Variants in MSS51 observed in about 807,000 individuals in gnomAD.
The protein encoded by MSS51 is MSS51 mitochondrial translational activator, also known as putative protein MSS51 homolog, mitochondrial.
MSS51 carries 32 observed loss-of-function variants against 40.2 expected under a neutral mutation model. The observed-to-expected ratio is 0.80, with a 90% CI of 0.60 to 1.07. MSS51 has a LOEUF of 1.07. Among genes scored for constraint, MSS51 ranks in the 50% least tolerant of loss-of-function variants. The pLI is 0.00. For synonymous variants in MSS51, 178 were observed against 214.2 expected (o/e 0.83, Z 1.48); for missense variants, 518 against 568.9 (o/e 0.91, Z 0.91).
intron 1 of MSS51, among the ~76,000 whole-genome samples, chr10:73,433,033 CTT>C (rs984511122): frequency 6.6e-6 from 1 of 152,068 alleles, no homozygotes; most frequent in African/African-American, 2.4e-5. Flanking sequence ...TCCCCAGTGA[CTT>C]AGGCTCTAAT....
rs760497218 is a variant in MSS51, at chr10:73,426,700, A to G, written c.409T>C (p.Cys137Arg). 32 of 1,613,962 alleles carry G rather than the reference A, an allele frequency of 2.0e-5. No individual in the cohort carries two copies. Among genetic ancestry groups the G allele is most frequent in the Admixed American group, 3.3e-5 (2 of 59,990 alleles). Reference protein sequence around the residue: ...CRNVYYCGPECQKSDWPAHRR... With the variant: ...CRNVYYCGPERQKSDWPAHRR... ...TGTGCGGGCCAGTCTGACTTCTGGC[A>G]CTCTGGACCACAGTAATAGACATTT... Residue 137 changes from cysteine to arginine, a missense_variant, in exon 4 of 7, where the codon TGC (cysteine) becomes CGC (arginine). Cys to Arg is a radical substitution (Grantham distance 180). Transcript: ENST00000299432.
In MSS51 at chr10:73,428,062, A is replaced by C; in HGVS notation, c.221+2T>G. The C allele has an allele frequency of 6.2e-7, 1 of 1,613,406 alleles. No individual in the cohort carries two copies. The highest frequency in any genetic ancestry group is 8.5e-7 in the Non-Finnish European group (1 of 1,179,466). ...CCCTTTTCCATAGAGCTGGTCACTC[A>C]CTTATATTCTTCATAGCTTTTCATG... is the stretch of plus-strand genomic sequence containing the variant. On this transcript the variant is annotated splice_donor_variant, in intron 2 of 6. Coordinates refer to ENST00000299432, the MANE Select transcript of MSS51 (RefSeq NM_001024593.2). LOFTEE classifies it high-confidence loss of function.
intron 5 of MSS51, 75 bp downstream of exon 5, chr10:73,425,736 T>C (rs1295038914): frequency 7.5e-7 from 1 of 1,338,284 alleles, no homozygotes; most frequent in Non-Finnish European, 1.0e-6. Flanking sequence ...TGAATGGGGT[T>C]CCAAAGACAG....
chr10:73,426,566 T>C (rs747430529), intron 4 of MSS51, 41 bp downstream of exon 4: 2 of 1,612,594 alleles, frequency 1.2e-6, no homozygotes, highest in African/African-American at 1.3e-5. Flanking sequence ...TGCAATCAAC[T>C]ATGACCATTA....
At chr10:73,427,930 G>GT (rs2056001534) in intron 2 of MSS51, 134 bp downstream of exon 2, 1 of 1,194,402 alleles carries the variant, frequency 8.4e-7, no homozygotes, top group African/African-American at 1.5e-5. Context: ...TAGTAATATA[G>GT]TAACTGGCAA....
At chr10:73,427,938 CA>C in intron 2 of MSS51, 125 bp downstream of exon 2, 3 of 1,205,670 alleles carry the variant, frequency 2.5e-6, no homozygotes, top group Non-Finnish European at 3.5e-6. Flanking sequence ...TAGTAACTGG[CA>C]AAAGGATGAG....
Position 73,424,567 on chromosome 10 carries a change from C to T in MSS51, c.1369G>A (p.Asp457Asn). The change falls in exon 7 of 7, where the codon GAC becomes AAC. Residue 457 changes from aspartate (D) to asparagine (N), a missense_variant. Asp to Asn is a conservative substitution (Grantham distance 23). Coordinates refer to ENST00000299432, the MANE Select transcript of MSS51 (RefSeq NM_001024593.2). ...LDNRQLEEKVDGGI is the reference protein window; with the variant it reads ...LDNRQLEEKVNGGI Reference sequence around the variant, plus strand: ...TTATGATCTATTTAAATCCCGCCGTCCACTTTCTCTTCTAATTGCCTATTA... The same window carrying T: ...TTATGATCTATTTAAATCCCGCCGTTCACTTTCTCTTCTAATTGCCTATTA... The T allele has an allele frequency of 6.2e-7, 1 of 1,613,670 alleles. No individual in the cohort carries two copies. Among genetic ancestry groups the T allele is most frequent in the Admixed American group, 1.7e-5 (1 of 60,014 alleles).
Position 73,426,359 on chromosome 10 carries a change from G to C in MSS51, c.521C>G (p.Ser174Ter), listed in dbSNP as rs1324259939. Residue 174 changes from serine to a stop codon, truncating the protein, a stop_gained, in exon 5 of 7, where the codon TCA becomes TGA. Coordinates refer to ENST00000299432, the MANE Select transcript of MSS51 (RefSeq NM_001024593.2). LOFTEE classifies it high-confidence loss of function. ...TTCAGGTGGCCATGGCCAAGGTCCT[G>C]AGGGTAGAACAAAATCACCTGTAGG... ...LLVTGDFVLP[S>*]GPWPWPPEAV... The C allele has an allele frequency of 6.2e-7, 1 of 1,602,156 alleles. No individual in the cohort carries two copies. Among genetic ancestry groups the C allele is most frequent in the South Asian group, 1.1e-5 (1 of 91,086 alleles).
At position 73,425,192 on chromosome 10, in the gene MSS51, C is replaced by A. The variant is rs1390852980; in HGVS notation, c.1070-1G>T. 6.3e-7 allele frequency: 1 copy of A among 1,578,798 alleles called. No individual in the cohort carries two copies. Among genetic ancestry groups the A allele is most frequent in the Non-Finnish European group, 8.6e-7 (1 of 1,166,908 alleles). ...ATCAAGTCTGGGGAGGAATGAAAAC[C>A]TGTGGAACAAAAATGAAAATGGGAA... On this transcript the variant is annotated splice_acceptor_variant, in intron 5 of 6. Coordinates refer to ENST00000299432, the MANE Select transcript of MSS51 (RefSeq NM_001024593.2). LOFTEE classifies it high-confidence loss of function.
At chr10:73,428,852 T>TAC (rs938810693) in intron 1 of MSS51, among the ~76,000 whole-genome samples, 4 of 151,918 alleles carry the variant, frequency 2.6e-5, no homozygotes, top group African/African-American at 4.8e-5. Flanking sequence ...TATATATATA[T>TAC]ACACACACAT....
intron 6 of MSS51, 87 bp downstream of exon 6, chr10:73,425,011 T>C: frequency 1.9e-6 from 2 of 1,053,096 alleles, no homozygotes; most frequent in Non-Finnish European, 3.0e-6. Context: ...AGAAGGTAGA[T>C]GAGCAAGAGG....
At position 73,431,881 on chromosome 10, in the gene MSS51, T is replaced by G. The variant is rs965596288; in HGVS notation, c.-18+1632A>C. On this transcript the variant is annotated intron_variant, in intron 1 of 6. Transcript: ENST00000299432. ...CCTTTTACCAAAAGAGTAAATGGAA[T>G]TGCCCTTCACACTTTAGGGCCCAAT... 1.2e-4 allele frequency among the ~76,000 whole-genome samples: 19 copies of G among 152,276 alleles called. No homozygotes were observed. In the Middle Eastern group the frequency reaches 0.01, roughly 82 times the overall value.
At chr10:73,428,384 C>T (rs2056005847) in intron 1 of MSS51, 83 bp from the exon 2 acceptor site, 2 of 1,065,026 alleles carry the variant, frequency 1.9e-6, no homozygotes, top group South Asian at 3.4e-5. Flanking sequence ...CTTGACCTTT[C>T]ATTTCTCATT....
At chr10:73,426,795 G>C in intron 3 of MSS51, 64 bp from the exon 4 acceptor site, 2 of 1,571,396 alleles carry the variant, frequency 1.3e-6, no homozygotes, top group Non-Finnish European at 8.7e-7. Flanking sequence ...CGGAGGAAAG[G>C]AACTGATATT....
At chr10:73,426,812 C>A in intron 3 of MSS51, 81 bp from the exon 4 acceptor site, 1 of 1,514,040 alleles carries the variant, frequency 6.6e-7, no homozygotes, top group Non-Finnish European at 9.0e-7. Flanking sequence ...TATTCCTGCA[C>A]CTAGGATGGT....
At position 73,426,309 on chromosome 10, in the gene MSS51, ACCAGGAGTCCCAGT is replaced by A. The variant is rs748594050; in HGVS notation, c.557_570del (p.Asp186ValfsTer18). 5.0e-5 allele frequency: 81 copies of A among 1,606,174 alleles called. No individual in the cohort carries two copies. The highest frequency in any genetic ancestry group is 6.7e-5 in the Non-Finnish European group (79 of 1,179,990). ...TCTAGGTGTAACCCCTTCATAGAAA[ACCAGGAGTCCCAGT>A]CCTGTACAGCTTCAGGTGGCCATGG... On this transcript the variant is annotated frameshift_variant, in exon 5 of 7. Transcript: ENST00000299432. LOFTEE classifies it high-confidence loss of function.
In MSS51 at chr10:73,426,099, C is replaced by A; in HGVS notation, c.781G>T (p.Gly261Trp). ...CCAACCACATGCACTGTGCTTCCCC[C>A]AGTCCTCCTAACATCTATCCCCAAG... The part of the protein sequence containing the change: ...RALGIDVRRT[G>W]GSTVHVVGAS... Residue 261 changes from glycine to tryptophan, a missense_variant, in exon 5 of 7, where the codon GGG (glycine) becomes TGG (tryptophan). Gly to Trp is a radical substitution (Grantham distance 184). Transcript: ENST00000299432. 1 of 1,614,228 alleles carries A rather than the reference C, an allele frequency of 6.2e-7. No individual in the cohort carries two copies. The highest frequency in any genetic ancestry group is 1.1e-5 in the South Asian group (1 of 91,088).
In MSS51 at chr10:73,424,474, A is replaced by C; in HGVS notation, c.*79T>G. 1.8e-6 allele frequency: 2 copies of C among 1,126,964 alleles called. No individual in the cohort carries two copies. The highest frequency in any genetic ancestry group is 2.7e-6 in the Non-Finnish European group (2 of 746,998). The allele number at this position is 1,126,964 out of a possible 1,614,324, so 69.8% of individuals were successfully genotyped here. A position where few individuals can be genotyped will look rare whatever the true frequency, so the allele number is the denominator to read the frequency against. ...TGAGGTTTAGAATATAATGTTTTTC[A>C]AAGTTTGCAAGAACCTGGCATTAGC... On this transcript the variant is annotated 3_prime_UTR_variant, in exon 7 of 7. Coordinates refer to ENST00000299432, the MANE Select transcript of MSS51 (RefSeq NM_001024593.2).
rs757081228 is a variant in MSS51 at position 73,428,249 on chromosome 10, T to C, written c.36A>G (p.Lys12=). ...TGATGGGAGCCACTGATGAGGGAGG[T>C]TTCTTGTGCCTTCGTCGCCGGGACC... The part of the protein sequence containing the change: ...APRSRRRRHK[K]PPSSVAPIIM... Residue 12 remains lysine, a synonymous_variant, in exon 2 of 7, where the codon AAA becomes AAG. Transcript: ENST00000299432. The C allele has an allele frequency of 1.2e-6, 2 of 1,612,322 alleles. No homozygotes were observed. The highest frequency in any genetic ancestry group is 1.1e-5 in the South Asian group (1 of 90,990).
Sources: gnomAD v4.1 joint callset for allele counts (sites outside exome capture counted in the v4.1 genomes callset) on GRCh38, gnomAD v4.1.1 for gene constraint, MANE v1.5 for transcripts, NCBI Gene and HGNC (gene_info 2026-07-23, HGNC 2026-07-21) for gene names.